Variants in COL2A1 observed in about 807,000 individuals in gnomAD.
COL2A1 encodes collagen type II alpha 1 chain, also known as collagen alpha-1(II) chain.
COL2A1 carries 28 observed loss-of-function variants against 204.5 expected under a neutral mutation model. The observed-to-expected ratio is 0.14, with a 90% CI of 0.10 to 0.19. The LOEUF is 0.19. COL2A1 is among the 10% of genes least tolerant of loss of function. The pLI is 1.00. For missense variants in COL2A1, 1,388 were observed against 2,027.5 expected (o/e 0.68, Z 6.06); for synonymous variants, 708 against 718.7 (o/e 0.99, Z 0.24).
Position 47,996,533 on chromosome 12 carries a change from A to G in COL2A1, c.609+15T>C. 6.2e-7 allele frequency: 1 copy of G among 1,610,646 alleles called. No homozygotes were observed. Among genetic ancestry groups the G allele is most frequent in the Non-Finnish European group, 8.5e-7 (1 of 1,176,774 alleles). On this transcript the variant is annotated intron_variant, in intron 8 of 53. Transcript: ENST00000380518. ...CCTGCCATTTTGGCTGCAAAGAACT[A>G]GTGTCTTTTCTTACCATTGGTCCTT...
At chr12:47,975,717 G>T in intron 50 of COL2A1, 112 bp from the exon 51 acceptor site, 1 of 1,233,662 alleles carries the variant, frequency 8.1e-7, no homozygotes, top group Non-Finnish European at 1.1e-6. Flanking sequence ...CCATGGGTGG[G>T]GCGGAGGTGT....
intron 16 of COL2A1, among the ~76,000 whole-genome samples, chr12:47,992,488 T>C (rs1939752947): frequency 6.6e-6 from 1 of 152,094 alleles, no homozygotes; most frequent in Admixed American, 6.5e-5. Context: ...GCCCTGTGAG[T>C]TGATGCTCAC....
rs749230087 is a variant in COL2A1 at position 47,981,763 on chromosome 12, A to T, written c.2409+13T>A. ...GGAGGCAAGGTGTGGAGAGGAAAGG[A>T]GCCGGGACTCACCTTCTCGCCATTA... On this transcript the variant is annotated intron_variant, in intron 36 of 53. Coordinates refer to ENST00000380518, the MANE Select transcript of COL2A1 (RefSeq NM_001844.5). 18 of 1,552,472 alleles carry T rather than the reference A, an allele frequency of 1.2e-5. No individual in the cohort carries two copies. Among genetic ancestry groups the T allele is most frequent in the South Asian group, 8.3e-5 (7 of 84,156 alleles).
At position 47,981,345 on chromosome 12, in the gene COL2A1, G is replaced by A. The variant is rs1455507031; in HGVS notation, c.2461C>T (p.Pro821Ser). 6.2e-7 allele frequency: 1 copy of A among 1,612,796 alleles called. No individual in the cohort carries two copies. The highest frequency in any genetic ancestry group is 2.2e-5 in the East Asian group (1 of 44,882). ...GGCTCAGAGGGGCAGACACTCACCG[G>A]AGCGCCACGAGCACCAGCACTTCCT... ...PAGSAGARGAPGERGETGPPG... is the reference protein window; with the variant it reads ...PAGSAGARGASGERGETGPPG... The change falls in exon 37 of 54, where the codon CCG becomes TCG. Residue 821 changes from proline to serine, a missense_variant and splice_region_variant. Transcript: ENST00000380518.
At chr12:47,989,312 T>C (rs1359711768) in intron 17 of COL2A1, 31 bp from the exon 18 acceptor site, 1 of 1,600,600 alleles carries the variant, frequency 6.2e-7, no homozygotes, top group Admixed American at 1.7e-5. Context: ...AGAAGAGAGG[T>C]GAATGCCAGT....
In COL2A1 at chr12:47,980,857, G is replaced by T; in HGVS notation, c.2517+58C>A. ...CTGACAAGCTCCGATGCCCGAGGGTGCTGGATGTGGAACTGGCCTGAGTGG... is the reference window on the plus strand; with the variant it reads ...CTGACAAGCTCCGATGCCCGAGGGTTCTGGATGTGGAACTGGCCTGAGTGG... On this transcript the variant is annotated intron_variant, in intron 38 of 53. Coordinates refer to ENST00000380518, the MANE Select transcript of COL2A1 (RefSeq NM_001844.5). The surrounding 1 kb of genome is among the most constrained non-coding windows in gnomAD (Gnocchi z 4.5). 1 of 1,537,562 alleles carries T rather than the reference G, an allele frequency of 6.5e-7. No homozygotes were observed. Among genetic ancestry groups the T allele is most frequent in the Non-Finnish European group, 8.8e-7 (1 of 1,134,110 alleles).
Position 47,975,441 on chromosome 12 carries a change from C to T in COL2A1, c.3762G>A (p.Glu1254=). The change falls in exon 51 of 54, where the codon GAG becomes GAA. Residue 1254 remains glutamate, a synonymous_variant. Transcript: ENST00000380518. ...TGAGGGACTTGAGTGTGGCATCCAC[C>T]TCGGCGTCATGCTGTCTCAGGCCAC... ...AAGGLRQHDA[E]VDATLKSLNN... The T allele has an allele frequency of 6.2e-7, 1 of 1,614,180 alleles. No homozygotes were observed. Among genetic ancestry groups the T allele is most frequent in the Non-Finnish European group, 8.5e-7 (1 of 1,180,022 alleles).
chr12:47,978,463 A>T lies in COL2A1; in HGVS notation c.2896-65T>A. On this transcript the variant is annotated intron_variant, in intron 42 of 53. Transcript: ENST00000380518. This position sits in a 1 kb window ranked among gnomAD's most constrained non-coding sequence, Gnocchi z 5.5. ...CCAGCCTCTTCTGTCCTCTCAGCACAGCTCTGTCTGTGCAGCCCCGCTCCC... is the reference window on the plus strand; with the variant it reads ...CCAGCCTCTTCTGTCCTCTCAGCACTGCTCTGTCTGTGCAGCCCCGCTCCC... The T allele has an allele frequency of 6.3e-7, 1 of 1,586,210 alleles. No individual in the cohort carries two copies. Among genetic ancestry groups the T allele is most frequent in the Admixed American group, 1.7e-5 (1 of 57,570 alleles).
At position 47,979,728 on chromosome 12, in the gene COL2A1, T is replaced by C. The variant is rs41272035; in HGVS notation, c.2680-164A>G. Among the ~76,000 whole-genome samples the C allele has an allele frequency of 0.024, 3,668 of 152,132 alleles. 185 individuals carry two copies. Among genetic ancestry groups the C allele is most frequent in the African/African-American group, 0.083 (3,439 of 41,498 alleles). On this transcript the variant is annotated intron_variant, in intron 40 of 53. Coordinates refer to ENST00000380518, the MANE Select transcript of COL2A1 (RefSeq NM_001844.5). ...AGGGAGAAAGGGCCCCCGGGTCTGG[T>C]CATAGAAGCAGGCACAGGCTGTTTC... is the stretch of plus-strand genomic sequence containing the variant.
At chr12:47,993,924 C>T (rs1054926394) in intron 13 of COL2A1, 62 bp from the exon 14 acceptor site, 25 of 1,612,522 alleles carry the variant, frequency 1.6e-5, no homozygotes, top group South Asian at 9.9e-5. Flanking sequence ...AAGAAATGCA[C>T]GCACCCCAAA....
chr12:47,993,573 C>T (rs903720789), intron 14 of COL2A1, 71 bp from the exon 15 acceptor site: 116 of 1,375,954 alleles, frequency 8.4e-5, no homozygotes, highest in Non-Finnish European at 1.1e-4. Context: ...CTAGGGAAGA[C>T]GCCAAAAGCC....
chr12:47,982,796 G>C, intron 33 of COL2A1, 52 bp downstream of exon 33: 1 of 1,505,676 alleles, frequency 6.6e-7, no homozygotes, highest in Non-Finnish European at 9.2e-7. Context: ...TCCCTGCTCA[G>C]TGGGACTCCC....
rs930102771 is a variant in COL2A1, at chr12:47,978,877, C to T, written c.2734-119G>A. The stretch of plus-strand genomic sequence containing the variant: ...CTCTGGGGGCTTCTCTACCTCCCCA[C>T]ACTAAGGGCAGGCAGCTTAACCCCC... On this transcript the variant is annotated intron_variant, in intron 41 of 53. Coordinates refer to ENST00000380518, the MANE Select transcript of COL2A1 (RefSeq NM_001844.5). The surrounding 1 kb of genome is among the most constrained non-coding windows in gnomAD (Gnocchi z 5.5). 6 of 1,032,964 alleles carry T rather than the reference C, an allele frequency of 5.8e-6. No homozygotes were observed. The African/African-American group carries it at 7.9e-5, about 14-fold the overall frequency. 64.0% of individuals were successfully genotyped at this position (1,032,964 alleles called of 1,614,324 possible).
rs1438234538 is a variant in COL2A1, at chr12:47,994,412, G to A, written c.816+12C>T. The A allele has an allele frequency of 9.9e-6, 16 of 1,613,920 alleles. No homozygotes were observed. The highest frequency in any genetic ancestry group is 2.7e-5 in the African/African-American group (2 of 74,928). On this transcript the variant is annotated intron_variant, in intron 12 of 53. Transcript: ENST00000380518. Reference sequence around the variant, plus strand: ...AGGAAAGATGCCTGAGGCTGGGAACGGTGGCGTTTACCTGAGGACCAGGCG... The same window carrying A: ...AGGAAAGATGCCTGAGGCTGGGAACAGTGGCGTTTACCTGAGGACCAGGCG...
chr12:47,986,236 G>A (rs1266837101), intron 23 of COL2A1, 100 bp downstream of exon 23: 16 of 880,030 alleles, frequency 1.8e-5, no homozygotes, highest in South Asian at 4.3e-5. Context: ...GATGACATGC[G>A]GAAAAGTCAC....
intron 52 of COL2A1, among the ~76,000 whole-genome samples, 165 bp downstream of exon 52, chr12:47,974,510 C>A (rs929273583): frequency 6.6e-6 from 1 of 152,188 alleles, no homozygotes; most frequent in Non-Finnish European, 1.5e-5. Context: ...TCTTTTCCCA[C>A]CTCCACGTGG....
rs1489240592 is a variant in COL2A1 at position 47,977,378 on chromosome 12, G to T, written c.3215C>A (p.Pro1072His). 1 of 1,613,730 alleles carries T rather than the reference G, an allele frequency of 6.2e-7. No homozygotes were observed. Among genetic ancestry groups the T allele is most frequent in the Non-Finnish European group, 8.5e-7 (1 of 1,179,798 alleles). Residue 1072 changes from proline (P) to histidine (H), a missense_variant, in exon 46 of 54, where the codon CCC becomes CAC. Around this residue, in one of 3 missense-constraint regions of COL2A1, gnomAD observed 884 missense variants for 1,415.8 expected, o/e 0.62. Coordinates refer to ENST00000380518, the MANE Select transcript of COL2A1 (RefSeq NM_001844.5). ...GAVGAPGAPG[P>H]PGSPGPAGPT... is the part of the protein sequence containing the mutation. ...ACCAGCGGGGCCAGGGGAGCCAGGGGGCCCAGGGGCTCCAGGAGCTCCCAC... is the reference window on the plus strand; with the variant it reads ...ACCAGCGGGGCCAGGGGAGCCAGGGTGCCCAGGGGCTCCAGGAGCTCCCAC...
At position 47,987,256 on chromosome 12, in the gene COL2A1, G is replaced by A. The variant is rs534149798; in HGVS notation, c.1266+13C>T. ...GCTCTCCTGGGGTAGCAAAGTCCACGGGCAACACTCACAGCAGATCCTTTG... is the reference window on the plus strand; with the variant it reads ...GCTCTCCTGGGGTAGCAAAGTCCACAGGCAACACTCACAGCAGATCCTTTG... On this transcript the variant is annotated intron_variant, in intron 20 of 53. Transcript: ENST00000380518. This position sits in a 1 kb window ranked among gnomAD's most constrained non-coding sequence, Gnocchi z 4.1. 101 of 1,614,032 alleles carry A rather than the reference G, an allele frequency of 6.3e-5. 1 individual carries two copies. The South Asian group carries it at 9.0e-4, about 14-fold the overall frequency.
rs941789744 is a variant in COL2A1 at position 47,978,829 on chromosome 12, G to A, written c.2734-71C>T. The A allele has an allele frequency of 3.2e-6, 5 of 1,548,060 alleles. No homozygotes were observed. Among genetic ancestry groups the A allele is most frequent in the Non-Finnish European group, 4.4e-6 (5 of 1,124,580 alleles). Reference sequence around the variant, plus strand: ...TCATCCAGGCTGCCAAAGTCACTGTGGCCTCAGTGACAGCAGTTTCCTCTC... The same window carrying A: ...TCATCCAGGCTGCCAAAGTCACTGTAGCCTCAGTGACAGCAGTTTCCTCTC... On this transcript the variant is annotated intron_variant, in intron 41 of 53. Coordinates refer to ENST00000380518, the MANE Select transcript of COL2A1 (RefSeq NM_001844.5). This position sits in a 1 kb window ranked among gnomAD's most constrained non-coding sequence, Gnocchi z 5.5.
Sources: gnomAD v4.1 joint callset for allele counts (sites outside exome capture counted in the v4.1 genomes callset) on GRCh38, gnomAD v4.1.1 for gene constraint, gnomAD v4.1.1 regional missense constraint, Gnocchi (gnomAD v3.1) non-coding constraint, MANE v1.5 for transcripts, NCBI Gene and HGNC (gene_info 2026-07-23, HGNC 2026-07-21) for gene names.